Variants in PPP4R4 observed in about 807,000 individuals in gnomAD.
PPP4R4 encodes the protein protein phosphatase 4 regulatory subunit 4, also known as serine/threonine-protein phosphatase 4 regulatory subunit 4.
In PPP4R4, 70 loss-of-function variants were observed where a neutral mutation model predicts 121.8. The ratio of observed to expected loss-of-function variants is 0.57; its 90% CI spans 0.47 to 0.70. The LOEUF (loss-of-function observed/expected upper bound fraction) is 0.70, where lower values mean the gene tolerates loss of function less well. Ranked by LOEUF, PPP4R4 falls within the 30% of genes least tolerant of loss-of-function variation. The pLI is 0.00. For missense variants in PPP4R4, 875 were observed against 1,033.6 expected (o/e 0.85, Z 2.10); for synonymous variants, 348 against 355.7 (o/e 0.98, Z 0.24).
chr14:94,278,513 G>T, intron 24 of PPP4R4, 106 bp from the exon 25 acceptor site: 2 of 584,500 alleles, frequency 3.4e-6, no homozygotes, highest in South Asian at 2.9e-5. Context: ...AATTTACTTT[G>T]TACACATTAT....
chr14:94,266,248 A>G (rs1267595049), intron 22 of PPP4R4, among the ~76,000 whole-genome samples: 2 of 152,250 alleles, frequency 1.3e-5, no homozygotes, highest in Admixed American at 6.5e-5. Context: ...TCCCTTTGCT[A>G]CTAATATTGT....
chr14:94,268,678 A>G (rs1291700926), intron 23 of PPP4R4, among the ~76,000 whole-genome samples: 1 of 152,184 alleles, frequency 6.6e-6, no homozygotes, highest in Admixed American at 6.5e-5. Context: ...GCAGAAGGCA[A>G]AGGGAAAGCA....
chr14:94,175,726 G>T, intron 1 of PPP4R4: 1 of 333,604 alleles, frequency 3.0e-6, no homozygotes, highest in Non-Finnish European at 5.6e-6. Flanking sequence ...GAGATAAAAA[G>T]TGTGTGTATT....
intron 23 of PPP4R4, among the ~76,000 whole-genome samples, chr14:94,273,086 T>G (rs1462149271): frequency 6.6e-6 from 1 of 152,184 alleles, no homozygotes; most frequent in African/African-American, 2.4e-5. Context: ...TTTGGTAGTT[T>G]CTTACAAAAC....
intron 14 of PPP4R4, among the ~76,000 whole-genome samples, chr14:94,247,013 A>G (rs1375044817): frequency 2.0e-5 from 3 of 152,180 alleles, no homozygotes; most frequent in African/African-American, 7.2e-5. Context: ...AGAGTGTGGC[A>G]ATGGAACAGA....
chr14:94,234,438 A>AT (rs1025253714), intron 6 of PPP4R4, 124 bp from the exon 7 acceptor site: 36 of 636,190 alleles, frequency 5.7e-5, no homozygotes, highest in African/African-American at 3.0e-4. Flanking sequence ...GTAAACTATT[A>AT]TTTTTTTTCT....
At position 94,174,584 on chromosome 14, in the gene PPP4R4, T is replaced by C. The variant is rs948784855; in HGVS notation, c.117+2T>C. ...AGGCCGGTCCGCCGGAGCCTCAAGG[T>C]GCGCCCCGGGGAGAGGACCTGCCCT... On this transcript the variant is annotated splice_donor_variant, in intron 1 of 24. Transcript: ENST00000304338. LOFTEE classifies it high-confidence loss of function. 6.2e-7 allele frequency: 1 copy of C among 1,610,836 alleles called. No individual in the cohort carries two copies. The highest frequency in any genetic ancestry group is 8.5e-7 in the Non-Finnish European group (1 of 1,178,848).
At chr14:94,262,424 C>CT (rs1393493253) in intron 19 of PPP4R4, among the ~76,000 whole-genome samples, 1 of 151,740 alleles carries the variant, frequency 6.6e-6, no homozygotes, top group African/African-American at 2.4e-5. Context: ...TTCCTCTCTC[C>CT]TTTTTTTGGA....
rs1439633136 is a variant in PPP4R4, at chr14:94,275,480, G to A, written c.2556G>A (p.Lys852=). The change falls in exon 24 of 25, where the codon AAG becomes AAA. Residue 852 remains lysine, a synonymous_variant. Coordinates refer to ENST00000304338, the MANE Select transcript of PPP4R4 (RefSeq NM_058237.2). ...SRGTGNSVDP[K]SSGSKDTQPR... is the part of the protein sequence containing the mutation. Reference sequence around the variant, plus strand: ...GGACAGGTAACTCAGTTGACCCCAAGAGCAGTGGAAGTAAAGATACACAAC... The same window carrying A: ...GGACAGGTAACTCAGTTGACCCCAAAAGCAGTGGAAGTAAAGATACACAAC... The A allele has an allele frequency of 6.2e-7, 1 of 1,614,046 alleles. No homozygotes were observed. Among genetic ancestry groups the A allele is most frequent in the Admixed American group, 1.7e-5 (1 of 60,012 alleles).
At chr14:94,217,121 C>G (rs760021931) in intron 3 of PPP4R4, among the ~76,000 whole-genome samples, 8 of 152,184 alleles carry the variant, frequency 5.3e-5, no homozygotes, top group Non-Finnish European at 8.8e-5. Flanking sequence ...TGAGAATACT[C>G]TACATCCACC....
At chr14:94,192,141 T>C (rs2139406376) in intron 2 of PPP4R4, among the ~76,000 whole-genome samples, 1 of 152,272 alleles carries the variant, frequency 6.6e-6, no homozygotes, top group African/African-American at 2.4e-5. Context: ...CTAAAAAATA[T>C]TATTTGTTTC....
At position 94,230,725 on chromosome 14, in the gene PPP4R4, A is replaced by G. The variant is rs1164359903; in HGVS notation, c.433A>G (p.Arg145Gly). The G allele has an allele frequency of 6.2e-7, 1 of 1,612,830 alleles. No homozygotes were observed. The highest frequency in any genetic ancestry group is 1.3e-5 in the African/African-American group (1 of 74,894). The change falls in exon 4 of 25, where the codon AGG becomes GGG. Residue 145 changes from arginine (R) to glycine (G), a missense_variant. Transcript: ENST00000304338. ...LQVILLHLEH[R>G]DTGVSNAWLE... is the part of the protein sequence containing the mutation. ...AGTCATTCTCCTGCATCTGGAGCAC[A>G]GGGACACAGGTCAGGGGCCTGGCAT...
At chr14:94,191,713 C>G (rs1056407861) in intron 2 of PPP4R4, among the ~76,000 whole-genome samples, 1 of 152,108 alleles carries the variant, frequency 6.6e-6, no homozygotes, top group African/African-American at 2.4e-5. Flanking sequence ...GAACATGAAA[C>G]TTTCGTATAC....
intron 2 of PPP4R4, among the ~76,000 whole-genome samples, chr14:94,186,389 C>G: frequency 6.6e-6 from 1 of 152,116 alleles, no homozygotes; most frequent in East Asian, 1.9e-4. Flanking sequence ...TTCTTTCAAT[C>G]TAATTATTTT....
At chr14:94,187,380 G>A (rs1309334227) in intron 2 of PPP4R4, among the ~76,000 whole-genome samples, 1 of 152,072 alleles carries the variant, frequency 6.6e-6, no homozygotes, top group Non-Finnish European at 1.5e-5. Context: ...CTTTCTTTTG[G>A]CTAGCATTTA....
At chr14:94,218,382 C>G (rs1044273520) in intron 3 of PPP4R4, among the ~76,000 whole-genome samples, 26 of 115,018 alleles carry the variant, frequency 2.3e-4, no homozygotes, top group African/African-American at 9.0e-4. Context: ...ACCGCACGCG[C>G]GTGCACACAC....
Position 94,274,285 on chromosome 14 carries a change from C to T in PPP4R4, c.2450-1089C>T, listed in dbSNP as rs1336602584. Among the ~76,000 whole-genome samples, 3 of 152,022 alleles carry T rather than the reference C, an allele frequency of 2.0e-5. No individual in the cohort carries two copies. In the East Asian group the frequency reaches 5.8e-4, roughly 29 times the overall value. Reference sequence around the variant, plus strand: ...TGACCATAAAACAAAAATATCAACACACTGGACTTAATCAAAATTAAAGCG... The same window carrying T: ...TGACCATAAAACAAAAATATCAACATACTGGACTTAATCAAAATTAAAGCG... On this transcript the variant is annotated intron_variant, in intron 23 of 24. Coordinates refer to ENST00000304338, the MANE Select transcript of PPP4R4 (RefSeq NM_058237.2).
intron 2 of PPP4R4, among the ~76,000 whole-genome samples, chr14:94,191,046 T>C (rs1889569925): frequency 6.6e-6 from 1 of 152,224 alleles, no homozygotes; most frequent in Admixed American, 6.5e-5. Context: ...TAATATCAAA[T>C]GTAATCTTTG....
At chr14:94,275,632 A>C in intron 24 of PPP4R4, 111 bp downstream of exon 24, 1 of 1,215,010 alleles carries the variant, frequency 8.2e-7, no homozygotes, top group Non-Finnish European at 1.2e-6. Context: ...TGTGATGAGA[A>C]AATGTTATAA....
Sources: gnomAD v4.1 joint callset for allele counts (sites outside exome capture counted in the v4.1 genomes callset) on GRCh38, gnomAD v4.1.1 for gene constraint, MANE v1.5 for transcripts, NCBI Gene and HGNC (gene_info 2026-07-23, HGNC 2026-07-21) for gene names.